Variants in GNAT3 observed in about 807,000 individuals in gnomAD.
GNAT3 encodes the protein guanine nucleotide-binding protein G(t) subunit alpha-3.
A neutral mutation model predicts 37.7 loss-of-function variants in GNAT3; 31 were observed. The observed-to-expected ratio is 0.82, with a 90% CI of 0.62 to 1.11. The LOEUF is 1.11. Among genes scored for constraint, GNAT3 ranks in the 50% most tolerant of loss-of-function variants. GNAT3 has a pLI of 0.00. For synonymous variants in GNAT3, 138 were observed against 139.8 expected, an observed-to-expected ratio of 0.99 and a Z score of 0.09; for missense variants, 437 against 412.5, an observed-to-expected ratio of 1.06 and a Z score of -0.51.
intron 3 of GNAT3, among the ~76,000 whole-genome samples, chr7:80,482,889 C>A (rs1334011384): frequency 1.3e-5 from 2 of 151,908 alleles, no homozygotes; most frequent in Non-Finnish European, 2.9e-5. Flanking sequence ...GTAGAGGTAT[C>A]ATGAATATAG....
At chr7:80,501,550 G>A (rs1373480151) in intron 1 of GNAT3, among the ~76,000 whole-genome samples, 2 of 151,860 alleles carry the variant, frequency 1.3e-5, no homozygotes, top group African/African-American at 2.4e-5. Context: ...TCAAAAAAAT[G>A]TTTCCCATAC....
intron 2 of GNAT3, among the ~76,000 whole-genome samples, 191 bp downstream of exon 2, chr7:80,494,414 A>T (rs756143491): frequency 6.6e-6 from 1 of 152,228 alleles, no homozygotes; most frequent in East Asian, 1.9e-4. Context: ...AATGGAAATT[A>T]TAATATTATT....
rs767571893 is a variant in GNAT3, at chr7:80,462,525, C to T, written c.697G>A (p.Val233Ile). The stretch of plus-strand genomic sequence containing the variant: ...ACCACTTCTTCGTCTTCCACGAGGA[C>T]CATGTCATAGGCACTAAGTGCAGCA... ...FCAALSAYDM[V>I]LVEDEEVNRM... Residue 233 changes from valine (V) to isoleucine (I), a missense_variant, in exon 6 of 8, where the codon GTC becomes ATC. Transcript: ENST00000398291. 1.5e-5 allele frequency: 25 copies of T among 1,613,522 alleles called. No homozygotes were observed. The highest frequency in any genetic ancestry group is 1.9e-5 in the Non-Finnish European group (23 of 1,179,714).
intron 5 of GNAT3, among the ~76,000 whole-genome samples, chr7:80,471,666 A>G (rs1449329025): frequency 1.3e-5 from 2 of 152,156 alleles, no homozygotes; most frequent in Non-Finnish European, 2.9e-5. Flanking sequence ...CACTCTACAG[A>G]AAAATGGTTT....
At chr7:80,465,483 A>G (rs1790115300) in intron 5 of GNAT3, among the ~76,000 whole-genome samples, 1 of 152,180 alleles carries the variant, frequency 6.6e-6, no homozygotes, top group Admixed American at 6.6e-5. Flanking sequence ...AAATTGCCTA[A>G]GAATTATTAT....
intron 5 of GNAT3, among the ~76,000 whole-genome samples, chr7:80,472,235 C>T (rs1298647480): frequency 6.6e-6 from 1 of 152,102 alleles, no homozygotes; most frequent in Non-Finnish European, 1.5e-5. Flanking sequence ...CTCCTCAACT[C>T]TGCATTTAGT....
chr7:80,483,567 C>G (rs1790426826), intron 3 of GNAT3, among the ~76,000 whole-genome samples: 1 of 151,944 alleles, frequency 6.6e-6, no homozygotes, highest in African/African-American at 2.4e-5. Context: ...ACCCAAATCC[C>G]TTATCCCTTA....
At chr7:80,503,360 A>G (rs1292448670) in intron 1 of GNAT3, among the ~76,000 whole-genome samples, 1 of 152,238 alleles carries the variant, frequency 6.6e-6, no homozygotes, top group Non-Finnish European at 1.5e-5. Context: ...GAATGCAGAC[A>G]TTAACTTAAA....
Position 80,458,681 on chromosome 7 carries a change from C to T in GNAT3, c.1055G>A (p.Gly352Glu). ...IIIKENLKDC[G>E]LF ...AGAGAAAATAGTTGATTAGAAAAGC[C>T]CACAGTCTTTTAGATTCTCTTTGAT... The change falls in exon 8 of 8, where the codon GGG (glycine) becomes GAG (glutamate). Residue 352 changes from glycine (G) to glutamate (E), a missense_variant. Transcript: ENST00000398291. 1 of 1,544,840 alleles carries T rather than the reference C, an allele frequency of 6.5e-7. No individual in the cohort carries two copies. The highest frequency in any genetic ancestry group is 8.7e-7 in the Non-Finnish European group (1 of 1,147,042).
At chr7:80,508,833 G>A (rs1413278330) in intron 1 of GNAT3, among the ~76,000 whole-genome samples, 1 of 152,044 alleles carries the variant, frequency 6.6e-6, no homozygotes, top group Non-Finnish European at 1.5e-5. Context: ...CATGTTAAAT[G>A]TGGAAAGTTG....
At chr7:80,497,572 A>ACATATACGTATATG (rs1562732670) in intron 1 of GNAT3, among the ~76,000 whole-genome samples, 29 of 135,576 alleles carry the variant, frequency 2.1e-4, no homozygotes, top group Non-Finnish European at 2.5e-4. Flanking sequence ...ATACGTATAT[A>ACATATACGTATATG]CATATACGTA....
chr7:80,500,392 G>A (rs772858800), intron 1 of GNAT3, among the ~76,000 whole-genome samples: 2 of 152,164 alleles, frequency 1.3e-5, no homozygotes, highest in South Asian at 4.1e-4. Flanking sequence ...TTTGCGGCAA[G>A]CATTTCTGCT....
At chr7:80,464,773 G>A (rs558639072) in intron 5 of GNAT3, among the ~76,000 whole-genome samples, 38 of 151,980 alleles carry the variant, frequency 2.5e-4, no homozygotes, top group African/African-American at 6.7e-4. Context: ...ATTATACTTC[G>A]TATTTCACAT....
chr7:80,503,906 G>C (rs1313992024), intron 1 of GNAT3, among the ~76,000 whole-genome samples: 4 of 152,144 alleles, frequency 2.6e-5, no homozygotes. Flanking sequence ...AACCCACCAA[G>C]GTTTAAGAAC....
chr7:80,497,585 T>TAC (rs200599931), intron 1 of GNAT3, among the ~76,000 whole-genome samples: 6 of 128,814 alleles, frequency 4.7e-5, no homozygotes, highest in African/African-American at 1.8e-4. Context: ...TATACGTATA[T>TAC]ACATATACGT....
chr7:80,468,967 T>C (rs1462523983), intron 5 of GNAT3, among the ~76,000 whole-genome samples: 1 of 152,124 alleles, frequency 6.6e-6, no homozygotes, highest in East Asian at 1.9e-4. Context: ...AACTTATTAT[T>C]TTGGTAATAC....
At chr7:80,466,552 G>T (rs763883051) in intron 5 of GNAT3, among the ~76,000 whole-genome samples, 14 of 151,926 alleles carry the variant, frequency 9.2e-5, no homozygotes, top group Admixed American at 3.9e-4. Flanking sequence ...TTGGTGTGTG[G>T]GGGGTTAATG....
rs1290096980 is a variant in GNAT3 at position 80,477,632 on chromosome 7, A to G, written c.461+1209T>C. 4.6e-5 allele frequency among the ~76,000 whole-genome samples: 7 copies of G among 152,284 alleles called. No individual in the cohort carries two copies. In the East Asian group the frequency reaches 1.4e-3, roughly 29 times the overall value. On this transcript the variant is annotated intron_variant, in intron 4 of 7. Transcript: ENST00000398291. ...TCATTCTGTCCATCAATGATTAAAA[A>G]TCTGAAGTGTCATGCAAGCTTCATT...
chr7:80,467,620 T>A (rs1483040598), intron 5 of GNAT3, among the ~76,000 whole-genome samples: 1 of 152,102 alleles, frequency 6.6e-6, no homozygotes, highest in Non-Finnish European at 1.5e-5. Context: ...ATGAAAACAA[T>A]TTGGAGATCC....
Sources: allele counts gnomAD v4.1 joint callset (sites outside exome capture counted in the v4.1 genomes callset), GRCh38; gene constraint gnomAD v4.1.1; transcripts MANE v1.5; gene names NCBI Gene and HGNC (gene_info 2026-07-23, HGNC 2026-07-21).